The following ASTN2 variants were observed in gnomAD, a reference collection of about 807,000 sequenced individuals.
ASTN2 encodes astrotactin-2.
A neutral mutation model predicts 139.8 loss-of-function variants in ASTN2; 54 were observed. That is an observed-to-expected ratio of 0.39 (90% CI 0.31 to 0.48). The LOEUF (loss-of-function observed/expected upper bound fraction) is 0.48. Ranked by LOEUF, ASTN2 falls within the 20% of genes least tolerant of loss-of-function variation. The pLI is 0.95. For synonymous variants in ASTN2, 756 were observed against 719.5 expected (o/e 1.05, Z -0.81); for missense variants, 1,565 against 1,725.1 (o/e 0.91, Z 1.64).
At chr9:116,826,064 A>G (rs10739475) in intron 11 of ASTN2, among the ~76,000 whole-genome samples, 120,782 of 152,174 alleles carry the variant, frequency 0.79, 48,137 homozygotes, top group East Asian at 0.92. Flanking sequence ...TTCTTGCCTG[A>G]GATGGACTCT....
At chr9:116,463,744 T>A (rs2118977473) in intron 20 of ASTN2, among the ~76,000 whole-genome samples, 1 of 152,264 alleles carries the variant, frequency 6.6e-6, no homozygotes, top group African/African-American at 2.4e-5. Flanking sequence ...TTGTGTTTCC[T>A]ACTCTATCTT....
At chr9:116,912,393 A>G (rs1834336702) in intron 10 of ASTN2, among the ~76,000 whole-genome samples, 1 of 152,250 alleles carries the variant, frequency 6.6e-6, no homozygotes, top group South Asian at 2.1e-4. Flanking sequence ...GTAGGTGCTC[A>G]GAAAACACAA....
At chr9:117,275,713 G>A (rs568967198) in intron 2 of ASTN2, among the ~76,000 whole-genome samples, 2 of 152,008 alleles carry the variant, frequency 1.3e-5, no homozygotes, top group South Asian at 2.1e-4. Context: ...TTACAGGCAT[G>A]TGCCACCATG....
intron 3 of ASTN2, chr9:117,181,311 C>A: frequency 2.4e-6 from 1 of 411,002 alleles, no homozygotes; most frequent in South Asian, 2.7e-5. Context: ...AATAACTTGC[C>A]CCAGGTCAAA....
intron 7 of ASTN2, among the ~76,000 whole-genome samples, chr9:116,978,487 T>TCA (rs1240343774): frequency 2.3e-5 from 3 of 128,740 alleles, no homozygotes; most frequent in African/African-American, 9.1e-5. Context: ...TCTCTCTCTC[T>TCA]CTCTCACGCA....
At chr9:116,952,507 A>C (rs1835590798) in intron 10 of ASTN2, among the ~76,000 whole-genome samples, 1 of 152,152 alleles carries the variant, frequency 6.6e-6, no homozygotes, top group East Asian at 1.9e-4. Flanking sequence ...CAATTTCCGC[A>C]TTCTTTCTCT....
At chr9:116,548,285 G>C (rs4836746) in intron 19 of ASTN2, among the ~76,000 whole-genome samples, 1 of 152,060 alleles carries the variant, frequency 6.6e-6, no homozygotes, top group Non-Finnish European at 1.5e-5. Context: ...CAAGGGGACA[G>C]AGATGGCAGG....
At chr9:116,672,076 T>A (rs1217748318) in intron 16 of ASTN2, among the ~76,000 whole-genome samples, 1 of 152,142 alleles carries the variant, frequency 6.6e-6, no homozygotes. Flanking sequence ...TTTATATTAT[T>A]TCATAAAAAT....
intron 3 of ASTN2, among the ~76,000 whole-genome samples, chr9:117,189,728 T>C (rs1165387840): frequency 6.6e-6 from 1 of 152,198 alleles, no homozygotes; most frequent in African/African-American, 2.4e-5. Context: ...GTTGGGCATC[T>C]TAACTACTTT....
chr9:116,526,638 G>T (rs1851103746), intron 19 of ASTN2, among the ~76,000 whole-genome samples: 1 of 138,202 alleles, frequency 7.2e-6, no homozygotes. Context: ...AAAAAAAAGT[G>T]ACAAAAGATG....
intron 11 of ASTN2, among the ~76,000 whole-genome samples, chr9:116,843,202 T>G (rs531583835): frequency 9.7e-4 from 148 of 152,284 alleles, no homozygotes; most frequent in African/African-American, 3.5e-3. Context: ...GCCCATCAAC[T>G]GGTGGATTGG....
At chr9:117,338,968 A>G (rs1828979062) in intron 1 of ASTN2, among the ~76,000 whole-genome samples, 2 of 152,210 alleles carry the variant, frequency 1.3e-5, no homozygotes, top group South Asian at 2.1e-4. Flanking sequence ...TAATGCAGTT[A>G]TCTAGGGGAC....
intron 3 of ASTN2, among the ~76,000 whole-genome samples, chr9:117,208,890 TGAA>T (rs534032069): frequency 1.0e-3 from 158 of 152,174 alleles, no homozygotes; most frequent in African/African-American, 3.3e-3. Flanking sequence ...CCTTCAGAAA[TGAA>T]GAAGAAATAA....
chr9:116,708,858 G>T (rs1193497557), intron 16 of ASTN2, among the ~76,000 whole-genome samples: 1 of 152,174 alleles, frequency 6.6e-6, no homozygotes, highest in Non-Finnish European at 1.5e-5. Flanking sequence ...GCTCACTTAT[G>T]AATTATAATA....
At chr9:117,248,756 C>T (rs1437551820) in intron 2 of ASTN2, among the ~76,000 whole-genome samples, 1 of 152,230 alleles carries the variant, frequency 6.6e-6, no homozygotes, top group African/African-American at 2.4e-5. Context: ...AAACCCCAAA[C>T]ACCCCATCTG....
At position 116,447,663 on chromosome 9, in the gene ASTN2, C is replaced by T. The variant is rs185538621; in HGVS notation, c.3498-5110G>A. Among the ~76,000 whole-genome samples the T allele has an allele frequency of 9.2e-5, 14 of 152,194 alleles. No homozygotes were observed. The East Asian group carries it at 9.7e-4, about 11-fold the overall frequency. Reference sequence around the variant, plus strand: ...TGTCTCAAGGTACTCACCTGTACAACGGGAATCATAATATTAAAACTCACC... The same window carrying T: ...TGTCTCAAGGTACTCACCTGTACAATGGGAATCATAATATTAAAACTCACC... On this transcript the variant is annotated intron_variant, in intron 20 of 22. Coordinates refer to ENST00000313400, the MANE Select transcript of ASTN2 (RefSeq NM_001365068.1).
intron 13 of ASTN2, among the ~76,000 whole-genome samples, chr9:116,751,317 T>G (rs1829396676): frequency 6.6e-6 from 1 of 152,242 alleles, no homozygotes; most frequent in African/African-American, 2.4e-5. Flanking sequence ...TAGTTACTGT[T>G]ACTGTGGTTA....
chr9:117,230,931 C>T (rs988579285), intron 2 of ASTN2, among the ~76,000 whole-genome samples: 6 of 152,138 alleles, frequency 3.9e-5, no homozygotes, highest in African/African-American at 1.4e-4. Context: ...ATCTTCTTGA[C>T]CCTCCCAGAT....
intron 3 of ASTN2, among the ~76,000 whole-genome samples, chr9:117,174,164 T>TAGAC (rs1830862582): frequency 6.7e-6 from 1 of 148,386 alleles, no homozygotes; most frequent in African/African-American, 2.5e-5. Flanking sequence ...GATAGATAGA[T>TAGAC]AGATAGATTA....
Sources: allele counts gnomAD v4.1 joint callset (sites outside exome capture counted in the v4.1 genomes callset), GRCh38; gene constraint gnomAD v4.1.1; transcripts MANE v1.5; gene names NCBI Gene and HGNC (gene_info 2026-07-23, HGNC 2026-07-21).